HPSE2: variants seen among roughly 807,000 people sequenced by gnomAD.
The protein encoded by HPSE2 is heparanase 2 (inactive).
HPSE2 carries 38 observed loss-of-function variants against 60.5 expected under a neutral mutation model. The observed-to-expected ratio is 0.63, with a 90% CI of 0.48 to 0.82. The LOEUF (loss-of-function observed/expected upper bound fraction) is 0.82. Ranked by LOEUF, HPSE2 falls within the 40% of genes least tolerant of loss-of-function variation. The probability of loss-of-function intolerance (pLI) is 0.00; values close to 1 mark genes in which losing one functional copy is unlikely to be tolerated. For synonymous variants in HPSE2, 295 were observed against 293.2 expected, an observed-to-expected ratio of 1.01 and a Z score of -0.06; for missense variants, 713 against 740.4, an observed-to-expected ratio of 0.96 and a Z score of 0.43.
chr10:98,482,380 C>T (rs773140512), intron 11 of HPSE2, among the ~76,000 whole-genome samples: 10 of 152,178 alleles, frequency 6.6e-5, no homozygotes, highest in Admixed American at 5.9e-4. Flanking sequence ...AATCATCTGG[C>T]TCAAATACCA....
intron 3 of HPSE2, among the ~76,000 whole-genome samples, chr10:98,951,272 A>G (rs1361217636): frequency 6.6e-6 from 1 of 152,196 alleles, no homozygotes; most frequent in Non-Finnish European, 1.5e-5. Flanking sequence ...AAGTATTTTT[A>G]TCTTAGTTGG....
the HPSE2 span, among the ~76,000 whole-genome samples, chr10:99,266,156 CA>C: frequency 6.6e-6 from 1 of 152,154 alleles, no homozygotes; most frequent in Non-Finnish European, 1.5e-5. Flanking sequence ...AGTGAATCGC[CA>C]GCGCAGACAC....
At position 98,616,847 on chromosome 10, in the gene HPSE2, A is replaced by G. The variant is rs1198956396; in HGVS notation, c.1206-1829T>C. Among the ~76,000 whole-genome samples the G allele has an allele frequency of 1.3e-5, 2 of 152,166 alleles. 1 individual carries two copies. Among genetic ancestry groups the G allele is most frequent in the East Asian group, 3.8e-4 (2 of 5,198 alleles). On this transcript the variant is annotated intron_variant, in intron 8 of 11. Transcript: ENST00000370552. ...CAAGCTACTTGCCTTCATAATTTTT[A>G]TTAATTTGGTAATCCTATAAAATCA...
chr10:98,851,346 C>T (rs1952169963), intron 3 of HPSE2, among the ~76,000 whole-genome samples: 1 of 152,014 alleles, frequency 6.6e-6, no homozygotes, highest in Non-Finnish European at 1.5e-5. Context: ...CCTCAACAGT[C>T]TCCCTTCTCA....
rs74520659 is a variant in HPSE2, at chr10:98,610,163, T to C, written c.1320+4741A>G. On this transcript the variant is annotated intron_variant, in intron 9 of 11. Coordinates refer to ENST00000370552, the MANE Select transcript of HPSE2 (RefSeq NM_021828.5). ...GCCTCAGGTGGTGTTCTTGTATCAATCCAGCATCAATGGAACATGGGTTTG... is the reference window on the plus strand; with the variant it reads ...GCCTCAGGTGGTGTTCTTGTATCAACCCAGCATCAATGGAACATGGGTTTG... Among the ~76,000 whole-genome samples, 340 of 152,278 alleles carry C rather than the reference T, an allele frequency of 2.2e-3. 5 individuals carry two copies. Among genetic ancestry groups the C allele is most frequent in the African/African-American group, 7.9e-3 (329 of 41,554 alleles).
In HPSE2 at chr10:98,821,225, T is replaced by C. The variant is rs1055863568; in HGVS notation, c.611-77169A>G. ...AAGTACGGGAATACATTCTGAGAAG[T>C]GCATTGTTGGGTAATTTCATCATTG... On this transcript the variant is annotated intron_variant, in intron 3 of 11. Transcript: ENST00000370552. 7.2e-5 allele frequency among the ~76,000 whole-genome samples: 11 copies of C among 152,296 alleles called. No individual in the cohort carries two copies. The East Asian group carries it at 2.1e-3, about 29-fold the overall frequency.
chr10:98,721,629 A>T (rs1321070651), intron 5 of HPSE2, 28 bp downstream of exon 5: 7 of 1,602,120 alleles, frequency 4.4e-6, no homozygotes, highest in Non-Finnish European at 6.0e-6. Context: ...GAACAATGTC[A>T]TAAGAAAAGC....
chr10:98,716,442 A>AAATAAAT (rs1554974932), intron 5 of HPSE2, among the ~76,000 whole-genome samples: 21 of 148,084 alleles, frequency 1.4e-4, no homozygotes, highest in East Asian at 4.0e-4. Flanking sequence ...ATAATAATAA[A>AAATAAAT]AAATAAATAA....
At chr10:99,259,863 T>A in the HPSE2 span, among the ~76,000 whole-genome samples, 2 of 152,186 alleles carry the variant, frequency 1.3e-5, no homozygotes, top group African/African-American at 4.8e-5. Context: ...TATTGTGAAC[T>A]GTGCATGTGC....
intron 9 of HPSE2, among the ~76,000 whole-genome samples, chr10:98,560,054 T>G (rs1261365609): frequency 6.6e-6 from 1 of 152,116 alleles, no homozygotes; most frequent in Non-Finnish European, 1.5e-5. Flanking sequence ...ACTACAGACT[T>G]TACTGTATAG....
At chr10:99,251,762 C>T in the HPSE2 span, among the ~76,000 whole-genome samples, 1 of 145,132 alleles carries the variant, frequency 6.9e-6, no homozygotes, top group Non-Finnish European at 1.5e-5. Flanking sequence ...TGGTGGTTCA[C>T]ATCTGTAATT....
Position 99,171,998 on chromosome 10 carries a change from TTAAAA to T in HPSE2, c.449-27604_449-27600del, listed in dbSNP as rs1847329432. 2.6e-5 allele frequency among the ~76,000 whole-genome samples: 4 copies of T among 152,166 alleles called. No individual in the cohort carries two copies. In the South Asian group the frequency reaches 6.2e-4, roughly 24 times the overall value. On this transcript the variant is annotated intron_variant, in intron 2 of 11. Transcript: ENST00000370552. Reference sequence around the variant, plus strand: ...AGAAAACAAAACAGAATTCTAAAAATTAAAATAAAGATTTAGGTATCATAACTTTT... The same window carrying T: ...AGAAAACAAAACAGAATTCTAAAAATTAAAGATTTAGGTATCATAACTTTT...
chr10:99,300,515 TTGGTTGTACCATGGGGTACC>T, the HPSE2 span, among the ~76,000 whole-genome samples: 2 of 152,218 alleles, frequency 1.3e-5, no homozygotes, highest in African/African-American at 4.8e-5. Context: ...ACTCACCCCC[TTGGTTGTACCATGGGGTACC>T]ATGTTTTCCC....
At chr10:98,518,861 G>A (rs1942692021) in intron 9 of HPSE2, among the ~76,000 whole-genome samples, 1 of 152,286 alleles carries the variant, frequency 6.6e-6, no homozygotes, top group South Asian at 2.1e-4. Flanking sequence ...ATCATCTTCT[G>A]TAAACGCCTG....
chr10:98,654,878 G>A (rs1947016976), intron 6 of HPSE2, among the ~76,000 whole-genome samples: 1 of 152,172 alleles, frequency 6.6e-6, no homozygotes. Flanking sequence ...TGCTATATCA[G>A]TAGATGCCAG....
chr10:99,171,488 C>A (rs1589769194), intron 2 of HPSE2, among the ~76,000 whole-genome samples: 1 of 152,136 alleles, frequency 6.6e-6, no homozygotes, highest in African/African-American at 2.4e-5. Context: ...GAATGTTCCT[C>A]TCTTACTCCT....
At chr10:99,186,929 C>T (rs1008254064) in intron 2 of HPSE2, among the ~76,000 whole-genome samples, 2 of 151,924 alleles carry the variant, frequency 1.3e-5, no homozygotes, top group Non-Finnish European at 2.9e-5. Context: ...ACTATAAGCA[C>T]ACACTCCCAT....
intron 3 of HPSE2, among the ~76,000 whole-genome samples, chr10:98,974,661 T>C (rs775718796): frequency 2.4e-4 from 37 of 152,180 alleles, no homozygotes; most frequent in Admixed American, 1.0e-3. Context: ...AAAAAGATCG[T>C]GGAAAATTCT....
rs145227771 is a variant in HPSE2 at position 99,110,972 on chromosome 10, T to C, written c.610+33266A>G. On this transcript the variant is annotated intron_variant, in intron 3 of 11. Coordinates refer to ENST00000370552, the MANE Select transcript of HPSE2 (RefSeq NM_021828.5). ...TAATCCATTTTTAATCCATGATCCA[T>C]GAGTTAATTTTTATGAAAGATATAA... Among the ~76,000 whole-genome samples, 837 of 152,310 alleles carry C rather than the reference T, an allele frequency of 5.5e-3. 7 individuals carry two copies. The highest frequency in any genetic ancestry group is 7.9e-3 in the Non-Finnish European group (540 of 68,022).
Sources: gnomAD v4.1 joint callset for allele counts (sites outside exome capture counted in the v4.1 genomes callset) on GRCh38, gnomAD v4.1.1 for gene constraint, MANE v1.5 for transcripts, NCBI Gene and HGNC (gene_info 2026-07-23, HGNC 2026-07-21) for gene names.